Variants in SLC2A13 observed in about 807,000 individuals in gnomAD.
SLC2A13 encodes solute carrier family 2 member 13.
SLC2A13 carries 32 observed loss-of-function variants against 64.4 expected under a neutral mutation model. The observed-to-expected ratio is 0.50, with a 90% CI of 0.37 to 0.67. SLC2A13 has a LOEUF of 0.67. SLC2A13 is among the 30% of genes least tolerant of loss of function. The probability of loss-of-function intolerance (pLI) is 0.00; values close to 1 mark genes in which losing one functional copy is unlikely to be tolerated. For missense variants in SLC2A13, 743 were observed against 829.2 expected (o/e 0.90, Z 1.28); for synonymous variants, 338 against 327.1 (o/e 1.03, Z -0.36).
At chr12:40,022,788 A>C (rs1374472314) in intron 3 of SLC2A13, among the ~76,000 whole-genome samples, 1 of 152,150 alleles carries the variant, frequency 6.6e-6, no homozygotes, top group Non-Finnish European at 1.5e-5. Context: ...CAAAGAGCCA[A>C]AATTGTGCCA....
rs1592254269 is a variant in SLC2A13, at chr12:39,895,861, TATATGCACACAC to T, written c.1035-23912_1035-23901del. ...ATGCACACACATATGTATATGCGTGTATATGCACACACATATGTATATGCGTGTATATGCACA... is the reference window on the plus strand; with the variant it reads ...ATGCACACACATATGTATATGCGTGTATATGTATATGCGTGTATATGCACA... On this transcript the variant is annotated intron_variant, in intron 4 of 9. Coordinates refer to ENST00000280871, the MANE Select transcript of SLC2A13 (RefSeq NM_052885.4). Among the ~76,000 whole-genome samples the T allele has an allele frequency of 1.4e-5, 2 of 142,662 alleles. 1 individual carries two copies. Among genetic ancestry groups the T allele is most frequent in the Non-Finnish European group, 3.0e-5 (2 of 66,082 alleles). 93.6% of individuals were successfully genotyped at this position (142,662 alleles called of 152,430 possible).
chr12:39,871,930 C>G lies in SLC2A13; in HGVS notation c.1066G>C (p.Gly356Arg). ...YYSATILQMS[G>R]VEDDRLAIWL... ...ATTGCAAGTCTATCATCTTCAACAC[C>G]AGACATCTGCAGAATGGTTGCACTG... Residue 356 changes from glycine (G) to arginine (R), a missense_variant, in exon 5 of 10, where the codon GGT (glycine) becomes CGT (arginine). Gly to Arg is a moderately radical substitution (Grantham distance 125). Transcript: ENST00000280871. 6.2e-7 allele frequency: 1 copy of G among 1,608,270 alleles called. No homozygotes were observed. Among genetic ancestry groups the G allele is most frequent in the Non-Finnish European group, 8.5e-7 (1 of 1,177,560 alleles).
chr12:40,019,836 C>A (rs1947683250), intron 3 of SLC2A13, among the ~76,000 whole-genome samples: 1 of 152,096 alleles, frequency 6.6e-6, no homozygotes. Context: ...AAACGTGAGA[C>A]ACTTACACAG....
intron 7 of SLC2A13, among the ~76,000 whole-genome samples, chr12:39,799,621 G>A (rs971983719): frequency 1.3e-5 from 2 of 151,996 alleles, no homozygotes; most frequent in African/African-American, 4.8e-5. Context: ...CTAAAAACCT[G>A]GTCAAAAAGA....
chr12:40,097,376 G>A (rs1938984087), intron 1 of SLC2A13, among the ~76,000 whole-genome samples: 1 of 151,944 alleles, frequency 6.6e-6, no homozygotes, highest in Non-Finnish European at 1.5e-5. Context: ...AAACAAATAG[G>A]ACTACATCAA....
At chr12:39,814,757 T>C (rs1432068922) in intron 7 of SLC2A13, among the ~76,000 whole-genome samples, 2 of 151,990 alleles carry the variant, frequency 1.3e-5, no homozygotes, top group Non-Finnish European at 2.9e-5. Flanking sequence ...GAAAGAAATT[T>C]TAAATTTCAC....
intron 3 of SLC2A13, among the ~76,000 whole-genome samples, chr12:40,007,970 A>G (rs1947454404): frequency 1.3e-5 from 2 of 152,200 alleles, no homozygotes; most frequent in Non-Finnish European, 2.9e-5. Context: ...ACCCAGATTT[A>G]AAATATAAGC....
chr12:39,841,715 G>A (rs1943184117), intron 6 of SLC2A13, among the ~76,000 whole-genome samples: 1 of 151,840 alleles, frequency 6.6e-6, no homozygotes, highest in African/African-American at 2.4e-5. Context: ...AATCTAATTA[G>A]TGTGCAACAT....
chr12:40,085,755 C>T (rs1938569576), intron 1 of SLC2A13, among the ~76,000 whole-genome samples: 2 of 152,142 alleles, frequency 1.3e-5, no homozygotes, highest in East Asian at 1.9e-4. Context: ...TTGTACTTTA[C>T]AGAAGAGAAA....
chr12:39,867,664 C>A (rs747118277), intron 5 of SLC2A13, among the ~76,000 whole-genome samples: 11 of 152,088 alleles, frequency 7.2e-5, no homozygotes, highest in Non-Finnish European at 1.3e-4. Context: ...AAAGTTAACT[C>A]TTCTTAAGCC....
chr12:39,798,944 T>C (rs1941674726), intron 7 of SLC2A13, among the ~76,000 whole-genome samples: 1 of 151,854 alleles, frequency 6.6e-6, no homozygotes, highest in Non-Finnish European at 1.5e-5. Flanking sequence ...AATTTGTAAA[T>C]TGTCTCCAAA....
chr12:39,801,498 T>C (rs1007192071), intron 7 of SLC2A13, among the ~76,000 whole-genome samples: 1 of 152,178 alleles, frequency 6.6e-6, no homozygotes, highest in Admixed American at 6.5e-5. Context: ...CTAATTTCTC[T>C]TGGCACAGAA....
intron 7 of SLC2A13, among the ~76,000 whole-genome samples, chr12:39,828,607 C>T (rs977179327): frequency 1.3e-5 from 2 of 151,886 alleles, no homozygotes; most frequent in African/African-American, 2.4e-5. Flanking sequence ...TAGTAGAGTT[C>T]TAATAAGTTT....
chr12:40,002,844 C>T (rs1383859690), intron 3 of SLC2A13, among the ~76,000 whole-genome samples: 1 of 74,706 alleles, frequency 1.3e-5, no homozygotes, highest in Non-Finnish European at 2.8e-5. Flanking sequence ...AGTGTATATT[C>T]CCCTAAAAAA....
intron 1 of SLC2A13, among the ~76,000 whole-genome samples, chr12:40,063,497 TGCTATG>T (rs1385170170): frequency 6.7e-6 from 1 of 149,138 alleles, no homozygotes; most frequent in East Asian, 1.9e-4. Flanking sequence ...AAAAAGCAGC[TGCTATG>T]TCTCTATTCA....
At chr12:39,973,974 C>T (rs1216485587) in intron 3 of SLC2A13, among the ~76,000 whole-genome samples, 2 of 152,166 alleles carry the variant, frequency 1.3e-5, no homozygotes, top group East Asian at 3.9e-4. Context: ...TTTTCCAGGA[C>T]CAGAGTCAGT....
At position 39,864,990 on chromosome 12, in the gene SLC2A13, T is replaced by C. The variant is rs1410333417; in HGVS notation, c.1199-108A>G. On this transcript the variant is annotated intron_variant, in intron 5 of 9. Coordinates refer to ENST00000280871, the MANE Select transcript of SLC2A13 (RefSeq NM_052885.4). ...AAACAAAGAAACAAACAAAAACTCCTGAAAAAAAAATACCGTGCTCTATCT... is the reference window on the plus strand; with the variant it reads ...AAACAAAGAAACAAACAAAAACTCCCGAAAAAAAAATACCGTGCTCTATCT... 1.1e-5 allele frequency: 11 copies of C among 1,045,754 alleles called. No individual in the cohort carries two copies. The Admixed American group carries it at 3.2e-4, about 30-fold the overall frequency. 64.8% of individuals were successfully genotyped at this position (1,045,754 alleles called of 1,614,324 possible).
At chr12:39,825,395 G>C (rs1229357013) in intron 7 of SLC2A13, among the ~76,000 whole-genome samples, 1 of 152,140 alleles carries the variant, frequency 6.6e-6, no homozygotes, top group African/African-American at 2.4e-5. Flanking sequence ...AATCTAAAAT[G>C]TGTGTCTTTC....
At chr12:39,795,771 A>AAATT (rs1316453177) in intron 7 of SLC2A13, among the ~76,000 whole-genome samples, 1 of 152,178 alleles carries the variant, frequency 6.6e-6, no homozygotes, top group African/African-American at 2.4e-5. Context: ...TTCTGATTTT[A>AAATT]AATTATTGGG....
Sources: allele counts gnomAD v4.1 joint callset (sites outside exome capture counted in the v4.1 genomes callset), GRCh38; gene constraint gnomAD v4.1.1; transcripts MANE v1.5; gene names NCBI Gene and HGNC (gene_info 2026-07-23, HGNC 2026-07-21).